Variants in SMARCC1 observed in about 807,000 individuals in gnomAD.
SMARCC1 encodes SWI/SNF related BAF chromatin remodeling complex subunit C1, also known as SWI/SNF complex subunit SMARCC1.
A neutral mutation model predicts 147.4 loss-of-function variants in SMARCC1; 43 were observed. The observed-to-expected ratio is 0.29, with a 90% CI of 0.23 to 0.38. The LOEUF is 0.38. Among genes scored for constraint, SMARCC1 ranks in the 10% least tolerant of loss-of-function variants. The probability of loss-of-function intolerance (pLI) is 1.00; values close to 1 mark genes in which losing one functional copy is unlikely to be tolerated. For missense variants in SMARCC1, 1,119 were observed against 1,381.1 expected, an observed-to-expected ratio of 0.81 and a Z score of 3.01; for synonymous variants, 495 against 484.4, an observed-to-expected ratio of 1.02 and a Z score of -0.29.
At chr3:47,779,351 T>C (rs2035015312) in intron 1 of SMARCC1, among the ~76,000 whole-genome samples, 1 of 152,208 alleles carries the variant, frequency 6.6e-6, no homozygotes, top group Admixed American at 6.5e-5. Context: ...AACGGTTAGT[T>C]AAAACCAATG....
intron 24 of SMARCC1, among the ~76,000 whole-genome samples, chr3:47,624,501 C>CA (rs1383071778): frequency 2.0e-5 from 3 of 152,104 alleles, no homozygotes; most frequent in Non-Finnish European, 4.4e-5. Context: ...AAAACAATGG[C>CA]AAAATGCCTT....
intron 5 of SMARCC1, among the ~76,000 whole-genome samples, chr3:47,729,710 C>A (rs1306273723): frequency 1.3e-5 from 2 of 152,148 alleles, no homozygotes; most frequent in African/African-American, 4.8e-5. Flanking sequence ...CTTAAAATTA[C>A]TTCCAAAGTC....
intron 21 of SMARCC1, among the ~76,000 whole-genome samples, chr3:47,653,020 A>C (rs974595002): frequency 6.8e-6 from 1 of 146,664 alleles, no homozygotes; most frequent in African/African-American, 2.5e-5. Flanking sequence ...GCAGTGGCGC[A>C]ATCTCGGCTC....
chr3:47,676,795 G>A lies in SMARCC1; in HGVS notation c.1572-13C>T. The stretch of plus-strand genomic sequence containing the variant: ...AAAGGCATGGACCCTAAAGAATAAA[G>A]CTCGGAAAGTTAAAATCTAAAGAAT... On this transcript the variant is annotated splice_polypyrimidine_tract_variant and intron_variant, in intron 16 of 27. Coordinates refer to ENST00000254480, the MANE Select transcript of SMARCC1 (RefSeq NM_003074.4). The A allele has an allele frequency of 1.9e-6, 3 of 1,609,876 alleles. No homozygotes were observed. The highest frequency in any genetic ancestry group is 2.5e-6 in the Non-Finnish European group (3 of 1,178,440).
intron 25 of SMARCC1, among the ~76,000 whole-genome samples, chr3:47,613,273 T>C (rs1441680783): frequency 6.6e-6 from 1 of 152,122 alleles, no homozygotes; most frequent in South Asian, 2.1e-4. Context: ...AATCCAAGTA[T>C]ATAAAAATGA....
At position 47,590,845 on chromosome 3, in the gene SMARCC1, G is replaced by A. The variant is rs766778405; in HGVS notation, c.3044-8C>T. On this transcript the variant is annotated splice_region_variant and splice_polypyrimidine_tract_variant and intron_variant, in intron 26 of 27. Transcript: ENST00000254480. ...CTGGGCCTGGTATCTGACCTGTGGA[G>A]GGAGATTTAAAGTACTGTAAGTATA... is the stretch of plus-strand genomic sequence containing the variant. 7.5e-6 allele frequency: 12 copies of A among 1,599,776 alleles called. No individual in the cohort carries two copies. The South Asian group carries it at 1.2e-4, about 17-fold the overall frequency.
rs369737063 is a variant in SMARCC1 at position 47,686,119 on chromosome 3, C to T, written c.1315G>A (p.Glu439Lys). 1.2e-6 allele frequency: 2 copies of T among 1,611,664 alleles called. No individual in the cohort carries two copies. The highest frequency in any genetic ancestry group is 1.7e-6 in the Non-Finnish European group (2 of 1,177,872). Reference sequence around the variant, plus strand: ...TTGGTCTGCTCTGTCACATTATCTTCCCCAAGGTCAACTGATCGACTCTGA... The same window carrying T: ...TTGGTCTGCTCTGTCACATTATCTTTCCCAAGGTCAACTGATCGACTCTGA... Reference protein sequence around the residue: ...GDQSRSVDLGEDNVTEQTNHI... With the variant: ...GDQSRSVDLGKDNVTEQTNHI... The change falls in exon 14 of 28, where the codon GAA becomes AAA. Residue 439 changes from glutamate to lysine, a missense_variant. Physicochemically the swap from Glu to Lys is moderately conservative, Grantham distance 56. This residue lies in a region of SMARCC1 where 542 missense variants were observed against 611.8 expected (regional missense o/e 0.89). Transcript: ENST00000254480.
At chr3:47,653,400 A>G (rs938810336) in intron 21 of SMARCC1, among the ~76,000 whole-genome samples, 2 of 152,256 alleles carry the variant, frequency 1.3e-5, no homozygotes, top group Non-Finnish European at 2.9e-5. Context: ...GTATGATTTT[A>G]CCATAGTTAA....
chr3:47,764,427 T>C (rs1576435353), intron 2 of SMARCC1, among the ~76,000 whole-genome samples: 3 of 152,182 alleles, frequency 2.0e-5, no homozygotes, highest in East Asian at 3.9e-4. Context: ...AAAGTAAAAA[T>C]ATAGAAAAAA....
chr3:47,612,200 G>A (rs1055132485), intron 25 of SMARCC1, among the ~76,000 whole-genome samples: 3 of 152,224 alleles, frequency 2.0e-5, no homozygotes, highest in African/African-American at 4.8e-5. Flanking sequence ...TAGTAAGTAA[G>A]AGGCAAAATG....
intron 7 of SMARCC1, among the ~76,000 whole-genome samples, chr3:47,717,129 A>G (rs1243260727): frequency 6.6e-6 from 1 of 152,202 alleles, no homozygotes; most frequent in Non-Finnish European, 1.5e-5. Flanking sequence ...ATATAATTAC[A>G]AGCAAAATAA....
chr3:47,759,235 ACTC>A (rs1380174217), intron 2 of SMARCC1, among the ~76,000 whole-genome samples: 2 of 147,918 alleles, frequency 1.4e-5, no homozygotes, highest in African/African-American at 5.0e-5. Context: ...CTGGTCTTGA[ACTC>A]CTGGACTCAA....
intron 21 of SMARCC1, among the ~76,000 whole-genome samples, chr3:47,649,206 T>C (rs948784271): frequency 2.6e-5 from 4 of 152,214 alleles, no homozygotes; most frequent in African/African-American, 9.6e-5. Context: ...ACATTTTTCT[T>C]ACATGCATTG....
At chr3:47,642,577 G>A (rs944256633) in intron 21 of SMARCC1, among the ~76,000 whole-genome samples, 2 of 147,394 alleles carry the variant, frequency 1.4e-5, no homozygotes, top group African/African-American at 2.5e-5. Context: ...GCAAAAGGGC[G>A]AGACTTTGTC....
chr3:47,600,102 C>CTT (rs1195224084), intron 26 of SMARCC1, among the ~76,000 whole-genome samples: 1 of 152,190 alleles, frequency 6.6e-6, no homozygotes, highest in Admixed American at 6.6e-5. Context: ...ATTCTAAAGC[C>CTT]TTGTGAAAAA....
chr3:47,639,490 C>T (rs1429854118), intron 21 of SMARCC1, among the ~76,000 whole-genome samples: 1 of 152,098 alleles, frequency 6.6e-6, no homozygotes, highest in Non-Finnish European at 1.5e-5. Flanking sequence ...GAGGCGGCTG[C>T]ATCACAAGGT....
rs555104737 is a variant in SMARCC1 at position 47,633,819 on chromosome 3, T to C, written c.2646+1371A>G. 3.6e-3 allele frequency among the ~76,000 whole-genome samples: 361 copies of C among 101,422 alleles called. 5 individuals are homozygous for C. Among genetic ancestry groups the C allele is most frequent in the African/African-American group, 9.4e-3 (272 of 28,968 alleles). The allele number at this position is 101,422 out of a possible 152,430, so 66.5% of individuals were successfully genotyped here. A position where few individuals can be genotyped will look rare whatever the true frequency, so the allele number is the denominator to read the frequency against. On this transcript the variant is annotated intron_variant, in intron 24 of 27. Transcript: ENST00000254480. ...ACACACACACACACACACACACACA[T>C]ATATATAAAATGTGAGAGACTATGA...
intron 24 of SMARCC1, among the ~76,000 whole-genome samples, chr3:47,633,238 T>C (rs919538148): frequency 4.6e-5 from 7 of 152,248 alleles, no homozygotes; most frequent in Admixed American, 3.3e-4. Context: ...GGTTAGAGAA[T>C]GGGACTGAGG....
At chr3:47,706,596 C>T (rs1176219389) in intron 9 of SMARCC1, 66 bp from the exon 10 acceptor site, 15 of 1,414,500 alleles carry the variant, frequency 1.1e-5, no homozygotes, top group African/African-American at 4.5e-5. Flanking sequence ...AAATCCTTGG[C>T]AAAAGGTGAA....
Sources: gnomAD v4.1 joint callset for allele counts (sites outside exome capture counted in the v4.1 genomes callset) on GRCh38, gnomAD v4.1.1 for gene constraint, gnomAD v4.1.1 regional missense constraint, MANE v1.5 for transcripts, NCBI Gene and HGNC (gene_info 2026-07-23, HGNC 2026-07-21) for gene names.